Variants in BIRC6 observed in about 807,000 individuals in gnomAD.
BIRC6 encodes the protein dual E2 ubiquitin-conjugating enzyme/E3 ubiquitin-protein ligase BIRC6.
BIRC6 carries 98 observed loss-of-function variants against 503.3 expected under a neutral mutation model. That is an observed-to-expected ratio of 0.19 (90% CI 0.17 to 0.23). BIRC6 has a LOEUF of 0.23. Ranked by LOEUF, BIRC6 falls within the 10% of genes least tolerant of loss-of-function variation. BIRC6 has a pLI of 1.00. For synonymous variants in BIRC6, 2,240 were observed against 2,078.7 expected, an observed-to-expected ratio of 1.08 and a Z score of -2.11; for missense variants, 5,360 against 5,806.0, an observed-to-expected ratio of 0.92 and a Z score of 2.50.
rs767759482 is a variant in BIRC6 at position 32,401,569 on chromosome 2, C to T, written c.1364C>T (p.Ala455Val). Residue 455 changes from alanine (A) to valine (V), a missense_variant, in exon 8 of 74, where the codon GCG becomes GTG. By Grantham distance (64) the Ala-to-Val change is moderately conservative (BLOSUM62 0). Coordinates refer to ENST00000421745, the MANE Select transcript of BIRC6 (RefSeq NM_016252.4). ...SGVDSRRPTL[A>V]WLEDSSSCSD... is the part of the protein sequence containing the mutation. ...GTTGATTCAAGGAGACCAACTTTGG[C>T]GTGGCTGGAGGACTCCTCTAGTTGC... 11 of 1,613,888 alleles carry T rather than the reference C, an allele frequency of 6.8e-6. No individual in the cohort carries two copies. In the East Asian group the frequency reaches 8.9e-5, roughly 13 times the overall value.
chr2:32,482,629 G>T (rs989306469), intron 39 of BIRC6, 47 bp downstream of exon 39: 2 of 1,599,000 alleles, frequency 1.3e-6, no homozygotes, highest in Non-Finnish European at 1.7e-6. Context: ...CTTAAAACAA[G>T]TCTGTCATTT....
chr2:32,398,243 A>G (rs2040192867), intron 6 of BIRC6, among the ~76,000 whole-genome samples: 1 of 152,178 alleles, frequency 6.6e-6, no homozygotes, highest in South Asian at 2.1e-4. Context: ...GTAGGCACAG[A>G]GGCATAAAGT....
At chr2:32,427,246 G>C (rs961459089) in intron 10 of BIRC6, among the ~76,000 whole-genome samples, 1 of 151,576 alleles carries the variant, frequency 6.6e-6, no homozygotes, top group Non-Finnish European at 1.5e-5. Flanking sequence ...TATTTTATCT[G>C]TCCTGTAGGT....
chr2:32,377,438 G>T (rs567449905), intron 1 of BIRC6, 150 bp from the exon 2 acceptor site: 2 of 486,206 alleles, frequency 4.1e-6, no homozygotes, highest in South Asian at 5.3e-5. Context: ...ATTTAATCCA[G>T]TTGGCCCAAT....
intron 16 of BIRC6, among the ~76,000 whole-genome samples, chr2:32,440,751 T>TTTATTATTATTATTATTATTATTATTA (rs769945864): frequency 7.3e-4 from 108 of 147,174 alleles, no homozygotes; most frequent in African/African-American, 1.7e-3. Context: ...TGTTTATTTA[T>TTTATTATTATTATTATTATTATTATTA]TTATTATTAT....
At chr2:32,542,561 T>G (rs536112388) in intron 61 of BIRC6, among the ~76,000 whole-genome samples, 8 of 152,330 alleles carry the variant, frequency 5.3e-5, no homozygotes, top group African/African-American at 1.9e-4. Flanking sequence ...GTAGAAAGAA[T>G]GACAGAATTA....
At chr2:32,420,937 A>AT (rs70938343) in intron 10 of BIRC6, among the ~76,000 whole-genome samples, 12,131 of 128,164 alleles carry the variant, frequency 0.095, 680 homozygotes, top group Non-Finnish European at 0.13. Flanking sequence ...TGTTTTATTG[A>AT]TTTTTTTTTT....
intron 11 of BIRC6, 65 bp from the exon 12 acceptor site, chr2:32,430,800 G>GTCT (rs1455351402): frequency 1.9e-6 from 2 of 1,073,274 alleles, no homozygotes; most frequent in East Asian, 2.5e-5. Context: ...TCACTTCATT[G>GTCT]TCTTCTTTTT....
chr2:32,516,373 G>A (rs1020395739), intron 55 of BIRC6, among the ~76,000 whole-genome samples: 13 of 151,974 alleles, frequency 8.6e-5, no homozygotes, highest in African/African-American at 2.7e-4. Flanking sequence ...AAAATTAGCC[G>A]AGTGTGGTGG....
At chr2:32,367,443 AC>A (rs1027586528) in intron 1 of BIRC6, among the ~76,000 whole-genome samples, 1 of 151,782 alleles carries the variant, frequency 6.6e-6, no homozygotes, top group Admixed American at 6.6e-5. Flanking sequence ...GGCCAGGGCA[AC>A]AACAGTGAAA....
intron 72 of BIRC6, 39 bp from the exon 73 acceptor site, chr2:32,611,409 T>G (rs1559155901): frequency 6.4e-7 from 1 of 1,550,590 alleles, no homozygotes; most frequent in South Asian, 1.3e-5. Context: ...TAAATTTGAC[T>G]GTAAACACTG....
chr2:32,567,130 C>G (rs1332315021), intron 65 of BIRC6, among the ~76,000 whole-genome samples: 1 of 152,142 alleles, frequency 6.6e-6, no homozygotes, highest in Non-Finnish European at 1.5e-5. Flanking sequence ...ACCACCACAC[C>G]TGGCTGTTTT....
At chr2:32,578,384 C>G (rs568507108) in intron 66 of BIRC6, among the ~76,000 whole-genome samples, 13 of 152,254 alleles carry the variant, frequency 8.5e-5, no homozygotes, top group African/African-American at 3.1e-4. Context: ...CTGTATTTCA[C>G]AAAAATCCTA....
rs756693528 is a variant in BIRC6, at chr2:32,369,926, T to TAAAAA, written c.326-7646_326-7642dup. On this transcript the variant is annotated intron_variant, in intron 1 of 73. Coordinates refer to ENST00000421745, the MANE Select transcript of BIRC6 (RefSeq NM_016252.4). ...GGCAACATAGTGAGACCCTGTCTCT[T>TAAAAA]AAAAAAAAAAAAAAAAAAAATATAT... Among the ~76,000 whole-genome samples the TAAAAA allele has an allele frequency of 1.2e-3, 45 of 37,770 alleles. 1 individual carries two copies. Among genetic ancestry groups the TAAAAA allele is most frequent in the East Asian group, 5.3e-3 (2 of 376 alleles). 24.8% of individuals were successfully genotyped at this position (37,770 alleles called of 152,430 possible). A position where few individuals can be genotyped will look rare whatever the true frequency, so the allele number is the denominator to read the frequency against.
intron 12 of BIRC6, 52 bp from the exon 13 acceptor site, chr2:32,433,592 T>C (rs1409492454): frequency 2.1e-6 from 3 of 1,439,284 alleles, no homozygotes; most frequent in Non-Finnish European, 2.8e-6. Flanking sequence ...AATATGGTTG[T>C]GGCTGAAGAA....
chr2:32,457,793 T>A (rs1218999671), intron 23 of BIRC6, among the ~76,000 whole-genome samples: 2 of 152,130 alleles, frequency 1.3e-5, no homozygotes, highest in Admixed American at 1.3e-4. Flanking sequence ...TTCAATTAGG[T>A]TTTTTGGGAA....
In BIRC6 at chr2:32,525,634, A is replaced by C. The variant is rs1412475438; in HGVS notation, c.11920+6A>C. The C allele has an allele frequency of 1.2e-6, 2 of 1,607,902 alleles. No homozygotes were observed. Among genetic ancestry groups the C allele is most frequent in the African/African-American group, 2.7e-5 (2 of 74,634 alleles). On this transcript the variant is annotated splice_donor_region_variant and intron_variant, in intron 59 of 73. Coordinates refer to ENST00000421745, the MANE Select transcript of BIRC6 (RefSeq NM_016252.4). ...GTTTCACAAACTCTTGGCAGGTAAT[A>C]TTCCTCAATGAATAAACGTCAAAGA...
rs892846427 is a variant in BIRC6 at position 32,550,940 on chromosome 2, A to T, written c.13144+1459A>T. Among the ~76,000 whole-genome samples the T allele has an allele frequency of 2.6e-5, 4 of 152,168 alleles. No homozygotes were observed. In the South Asian group the frequency reaches 8.3e-4, roughly 32 times the overall value. ...ATCGAAGTTTGACCTTTCTTTTATG[A>T]TGTATTATTTTCCTGGAAAAAAGAA... On this transcript the variant is annotated intron_variant, in intron 65 of 73. Coordinates refer to ENST00000421745, the MANE Select transcript of BIRC6 (RefSeq NM_016252.4).
chr2:32,592,279 A>T (rs2061431538), intron 66 of BIRC6, among the ~76,000 whole-genome samples: 1 of 152,200 alleles, frequency 6.6e-6, no homozygotes, highest in African/African-American at 2.4e-5. Flanking sequence ...GGAAGATAAG[A>T]AGAGAGCACA....
Sources: allele counts gnomAD v4.1 joint callset (sites outside exome capture counted in the v4.1 genomes callset), GRCh38; gene constraint gnomAD v4.1.1; transcripts MANE v1.5; gene names NCBI Gene and HGNC (gene_info 2026-07-23, HGNC 2026-07-21).